Variants in RAD51B observed in about 807,000 individuals in gnomAD.
RAD51B encodes RAD51 paralog B.
A neutral mutation model predicts 42.2 loss-of-function variants in RAD51B; 38 were observed. That is an observed-to-expected ratio of 0.90 (90% confidence interval 0.70 to 1.18). The LOEUF (loss-of-function observed/expected upper bound fraction) is 1.18, where lower values mean the gene tolerates loss of function less well. Among genes scored for constraint, RAD51B ranks in the 50% most tolerant of loss-of-function variants. RAD51B has a pLI of 0.00. For synonymous variants in RAD51B, 154 were observed against 145.2 expected (o/e 1.06, Z -0.43); for missense variants, 373 against 400.7 (o/e 0.93, Z 0.59).
At chr14:68,504,272 A>G (rs1419915109) in intron 10 of RAD51B, among the ~76,000 whole-genome samples, 2 of 152,150 alleles carry the variant, frequency 1.3e-5, no homozygotes, top group Non-Finnish European at 2.9e-5. Flanking sequence ...ATTTAGGGGT[A>G]GGGGGATCTG....
At chr14:68,096,115 A>G (rs571343756) in intron 7 of RAD51B, among the ~76,000 whole-genome samples, 88 of 152,142 alleles carry the variant, frequency 5.8e-4, no homozygotes, top group African/African-American at 2.0e-3. Flanking sequence ...TGACTATCCT[A>G]TATTTTTCAT....
chr14:68,565,563 T>G lies in RAD51B; in HGVS notation c.1037-28922T>G, dbSNP rs1386440100. ...ATGACTTTGATTCATTGACCCAGTTTTGCAATAATTCTCAAGAGCTGGGAA... is the reference window on the plus strand; with the variant it reads ...ATGACTTTGATTCATTGACCCAGTTGTGCAATAATTCTCAAGAGCTGGGAA... On this transcript the variant is annotated intron_variant, in intron 10 of 10. Transcript: ENST00000487270. This position sits in a 1 kb window ranked among gnomAD's most constrained non-coding sequence, Gnocchi z 4.1. 6.6e-6 allele frequency among the ~76,000 whole-genome samples: 1 copy of G among 152,192 alleles called. No individual in the cohort carries two copies. Among genetic ancestry groups the G allele is most frequent in the Admixed American group, 6.5e-5 (1 of 15,280 alleles).
chr14:68,377,752 G>A (rs564798432), intron 8 of RAD51B, among the ~76,000 whole-genome samples: 7 of 152,302 alleles, frequency 4.6e-5, no homozygotes, highest in South Asian at 2.1e-4. Flanking sequence ...CTTGTGCCCC[G>A]TTTTTGCTAA....
At chr14:68,440,953 A>G (rs1400459473) in intron 9 of RAD51B, among the ~76,000 whole-genome samples, 1 of 152,218 alleles carries the variant, frequency 6.6e-6, no homozygotes, top group Non-Finnish European at 1.5e-5. Context: ...TTAACACAGT[A>G]ATCACTAACC....
intron 8 of RAD51B, among the ~76,000 whole-genome samples, chr14:68,325,690 T>C (rs1032056313): frequency 6.6e-6 from 1 of 152,108 alleles, no homozygotes; most frequent in African/African-American, 2.4e-5. Flanking sequence ...AGCGTGGTGC[T>C]TCCCAAACCT....
At chr14:68,188,015 A>G (rs895107884) in intron 7 of RAD51B, among the ~76,000 whole-genome samples, 2 of 152,084 alleles carry the variant, frequency 1.3e-5, no homozygotes, top group Non-Finnish European at 2.9e-5. Context: ...GGGTTTCACC[A>G]TGTTAACCAA....
chr14:67,973,100 C>T (rs908149299), intron 7 of RAD51B, among the ~76,000 whole-genome samples: 4 of 152,070 alleles, frequency 2.6e-5, no homozygotes, highest in Non-Finnish European at 5.9e-5. Context: ...CTATCAGCAA[C>T]TTATAATCAA....
intron 7 of RAD51B, among the ~76,000 whole-genome samples, chr14:68,096,875 T>C (rs888658176): frequency 6.6e-6 from 1 of 152,218 alleles, no homozygotes; most frequent in African/African-American, 2.4e-5. Context: ...GATTTCATCT[T>C]TCTTAATTAT....
At chr14:68,110,220 CTG>C (rs1467507395) in intron 7 of RAD51B, among the ~76,000 whole-genome samples, 4 of 151,880 alleles carry the variant, frequency 2.6e-5, no homozygotes, top group African/African-American at 9.7e-5. Flanking sequence ...TTGAGGCACT[CTG>C]TGGCATTCAA....
chr14:67,931,814 G>C (rs1043156869), intron 7 of RAD51B, among the ~76,000 whole-genome samples: 1 of 152,014 alleles, frequency 6.6e-6, no homozygotes, highest in Admixed American at 6.6e-5. Context: ...AGCATTTCTT[G>C]AATTTCTTTT....
chr14:68,363,155 T>G (rs1202912369), intron 8 of RAD51B, among the ~76,000 whole-genome samples: 2 of 152,232 alleles, frequency 1.3e-5, no homozygotes, highest in African/African-American at 2.4e-5. Flanking sequence ...GGAAAGATTT[T>G]GGGTACAAGA....
intron 8 of RAD51B, among the ~76,000 whole-genome samples, chr14:68,326,196 A>G (rs2082249842): frequency 6.6e-6 from 1 of 151,134 alleles, no homozygotes; most frequent in South Asian, 2.1e-4. Context: ...ATGCACCACC[A>G]CACCCGGCTA....
chr14:67,968,040 G>C (rs561282967), intron 7 of RAD51B, among the ~76,000 whole-genome samples: 1 of 152,296 alleles, frequency 6.6e-6, no homozygotes, highest in South Asian at 2.1e-4. Context: ...TGACTTCTGT[G>C]CACCTGCAGG....
chr14:68,272,665 A>ATTTT (rs71412311), intron 7 of RAD51B, among the ~76,000 whole-genome samples: 1 of 12,474 alleles, frequency 8.0e-5, no homozygotes. Context: ...ATATATATAT[A>ATTTT]TTTTTTTTTT....
intron 7 of RAD51B, among the ~76,000 whole-genome samples, chr14:67,979,223 T>C (rs1020150918): frequency 2.0e-5 from 3 of 152,226 alleles, no homozygotes; most frequent in Non-Finnish European, 2.9e-5. Context: ...AGTAAATTTT[T>C]AAAAATGCAA....
At chr14:68,641,055 T>G (rs1046236002) in intron 10 of RAD51B, among the ~76,000 whole-genome samples, 4 of 152,238 alleles carry the variant, frequency 2.6e-5, no homozygotes, top group Non-Finnish European at 5.9e-5. Context: ...ATTATGGTCA[T>G]ATTTGAACTC....
chr14:68,055,203 A>G (rs2076454768), intron 7 of RAD51B, among the ~76,000 whole-genome samples: 1 of 152,192 alleles, frequency 6.6e-6, no homozygotes, highest in Admixed American at 6.5e-5. Context: ...GGTCTAGGTG[A>G]TCTGTAATGT....
intron 7 of RAD51B, among the ~76,000 whole-genome samples, chr14:68,196,040 A>G (rs2079365745): frequency 6.6e-6 from 1 of 151,626 alleles, no homozygotes. Flanking sequence ...ACTCTCTACT[A>G]AAAATACAAA....
At chr14:68,652,165 C>T (rs997616382) in intron 11 of RAD51B, among the ~76,000 whole-genome samples, 11 of 152,328 alleles carry the variant, frequency 7.2e-5, no homozygotes, top group African/African-American at 2.4e-4. Flanking sequence ...TTCACATTTT[C>T]CTTTCTTCCC....
Sources: gnomAD v4.1 joint callset for allele counts (sites outside exome capture counted in the v4.1 genomes callset) on GRCh38, gnomAD v4.1.1 for gene constraint, Gnocchi (gnomAD v3.1) non-coding constraint, MANE v1.5 for transcripts, NCBI Gene and HGNC (gene_info 2026-07-23, HGNC 2026-07-21) for gene names.